CNTN5: variants seen among roughly 807,000 people sequenced by gnomAD.
CNTN5 encodes the protein contactin 5, also known as contactin-5.
A neutral mutation model predicts 129.1 loss-of-function variants in CNTN5; 77 were observed. That is an observed-to-expected ratio of 0.60 (90% CI 0.50 to 0.72). CNTN5 has a LOEUF of 0.72. Ranked by LOEUF, CNTN5 falls within the 30% of genes least tolerant of loss-of-function variation. CNTN5 has a pLI of 0.00. For missense variants in CNTN5, 1,478 were observed against 1,328.8 expected, an observed-to-expected ratio of 1.11 and a Z score of -1.75; for synonymous variants, 509 against 465.6, an observed-to-expected ratio of 1.09 and a Z score of -1.20.
intron 2 of CNTN5, among the ~76,000 whole-genome samples, chr11:99,424,211 A>G (rs930479450): frequency 6.6e-6 from 1 of 152,240 alleles, no homozygotes; most frequent in Non-Finnish European, 1.5e-5. Flanking sequence ...GCCATTATTA[A>G]GTATAATAAG....
At chr11:100,298,183 G>C (rs1951136150) in intron 19 of CNTN5, among the ~76,000 whole-genome samples, 2 of 151,532 alleles carry the variant, frequency 1.3e-5, no homozygotes. Context: ...GGAAATGCCT[G>C]TTAGAGTAAA....
intron 6 of CNTN5, among the ~76,000 whole-genome samples, chr11:99,878,720 G>A (rs1434664797): frequency 1.3e-5 from 2 of 152,052 alleles, no homozygotes; most frequent in Admixed American, 1.3e-4. Context: ...GCCGGGCGTG[G>A]TGGCGCGTGC....
chr11:99,385,007 A>G (rs1183764520), intron 2 of CNTN5, among the ~76,000 whole-genome samples: 3 of 152,168 alleles, frequency 2.0e-5, no homozygotes, highest in South Asian at 4.1e-4. Context: ...TTCAATTCTC[A>G]AAGTGTTTAC....
At chr11:99,446,301 T>A (rs1013146481) in intron 2 of CNTN5, among the ~76,000 whole-genome samples, 6 of 152,170 alleles carry the variant, frequency 3.9e-5, no homozygotes, top group African/African-American at 1.4e-4. Flanking sequence ...CATTTTATCT[T>A]AAGATCTCAA....
chr11:99,083,749 G>A (rs1368943418), intron 1 of CNTN5, among the ~76,000 whole-genome samples: 2 of 152,074 alleles, frequency 1.3e-5, no homozygotes, highest in East Asian at 1.9e-4. Flanking sequence ...AAAATTAGAG[G>A]AGGTGAATGA....
chr11:99,830,869 A>G (rs1214164641), intron 4 of CNTN5, among the ~76,000 whole-genome samples: 1 of 152,174 alleles, frequency 6.6e-6, no homozygotes, highest in Non-Finnish European at 1.5e-5. Context: ...ACAGCAGTGC[A>G]AGGTTACTGG....
rs60631846 is a variant in CNTN5, at chr11:99,437,582, C to T, written c.-71+112098C>T. On this transcript the variant is annotated intron_variant, in intron 2 of 24. Transcript: ENST00000524871. Reference sequence around the variant, plus strand: ...GCGGCTCATGCCTGTAATCCCAGCACTTTGGGAGGCTGAGGCGGGTGGATC... The same window carrying T: ...GCGGCTCATGCCTGTAATCCCAGCATTTTGGGAGGCTGAGGCGGGTGGATC... 3.4e-3 allele frequency among the ~76,000 whole-genome samples: 524 copies of T among 152,204 alleles called. 3 individuals are homozygous for T. The highest frequency in any genetic ancestry group is 0.012 in the African/African-American group (490 of 41,552).
At position 100,356,386 on chromosome 11, in the gene CNTN5, A is replaced by G; in HGVS notation, c.*166A>G. ...GTTAGGGGGGAAATATTACTTATCC[A>G]TCAGGTTTCTCTTTGGTTTTTGTAA... On this transcript the variant is annotated 3_prime_UTR_variant, in exon 25 of 25. Coordinates refer to ENST00000524871, the MANE Select transcript of CNTN5 (RefSeq NM_014361.4). 4 of 601,340 alleles carry G rather than the reference A, an allele frequency of 6.7e-6. No individual in the cohort carries two copies. The Middle Eastern group carries it at 8.5e-4, about 127-fold the overall frequency. The allele number at this position is 601,340 out of a possible 1,614,324, so 37.3% of individuals were successfully genotyped here.
At chr11:99,308,936 G>A (rs2135963582) in intron 1 of CNTN5, among the ~76,000 whole-genome samples, 1 of 152,094 alleles carries the variant, frequency 6.6e-6, no homozygotes, top group South Asian at 2.1e-4. Context: ...CCCATCCAAT[G>A]ACTTACTAAT....
chr11:99,465,507 A>G (rs1027829557), intron 2 of CNTN5, among the ~76,000 whole-genome samples: 1 of 151,980 alleles, frequency 6.6e-6, no homozygotes, highest in Non-Finnish European at 1.5e-5. Flanking sequence ...CATTTCTAGA[A>G]TTTAGACAAT....
chr11:99,513,816 G>A (rs376199375), intron 2 of CNTN5, among the ~76,000 whole-genome samples: 1 of 152,074 alleles, frequency 6.6e-6, no homozygotes, highest in Admixed American at 6.6e-5. Flanking sequence ...AGATGTACAA[G>A]GAGAGTAATG....
chr11:99,189,651 A>T (rs913469488), intron 1 of CNTN5, among the ~76,000 whole-genome samples: 2 of 151,616 alleles, frequency 1.3e-5, no homozygotes, highest in Admixed American at 1.3e-4. Flanking sequence ...TATGATGATT[A>T]GTTATTAGTT....
At chr11:99,563,340 C>T (rs990745904) in intron 3 of CNTN5, among the ~76,000 whole-genome samples, 8 of 152,068 alleles carry the variant, frequency 5.3e-5, no homozygotes, top group East Asian at 1.9e-4. Context: ...TGTTTTCTGA[C>T]AATGTAAACC....
chr11:99,041,894 A>C (rs1004483984), intron 1 of CNTN5, among the ~76,000 whole-genome samples: 71 of 152,212 alleles, frequency 4.7e-4, no homozygotes, highest in African/African-American at 1.7e-3. Flanking sequence ...TTTCATAGAA[A>C]CAATACAAAA....
chr11:99,150,028 A>C (rs1157527993), intron 1 of CNTN5, among the ~76,000 whole-genome samples: 1 of 152,062 alleles, frequency 6.6e-6, no homozygotes, highest in African/African-American at 2.4e-5. Flanking sequence ...TTAATGAACA[A>C]ATAAAAAAAA....
chr11:99,242,476 C>A lies in CNTN5; in HGVS notation c.-209-82870C>A, dbSNP rs532480282. On this transcript the variant is annotated intron_variant, in intron 1 of 24. Coordinates refer to ENST00000524871, the MANE Select transcript of CNTN5 (RefSeq NM_014361.4). ...AGAATGTAAGCTCCATTAGGGCAAA[C>A]TTTTTTTTTCTTTCAACTTTTATTT... Among the ~76,000 whole-genome samples, 28 of 151,664 alleles carry A rather than the reference C, an allele frequency of 1.8e-4. No individual in the cohort carries two copies. In the South Asian group the frequency reaches 5.0e-3, roughly 27 times the overall value.
At chr11:99,036,515 C>A (rs912671505) in intron 1 of CNTN5, among the ~76,000 whole-genome samples, 2 of 152,004 alleles carry the variant, frequency 1.3e-5, no homozygotes, top group Non-Finnish European at 2.9e-5. Flanking sequence ...AATTATCTAT[C>A]AATTTATTTC....
chr11:99,695,330 A>G (rs1954222657), intron 3 of CNTN5, among the ~76,000 whole-genome samples: 1 of 151,994 alleles, frequency 6.6e-6, no homozygotes, highest in Non-Finnish European at 1.5e-5. Flanking sequence ...CAAGCAGGGT[A>G]GCATTGATGA....
chr11:99,597,195 T>C (rs1250329169), intron 3 of CNTN5, among the ~76,000 whole-genome samples: 2 of 152,168 alleles, frequency 1.3e-5, no homozygotes, highest in Non-Finnish European at 2.9e-5. Context: ...TAATTGAATA[T>C]TTAGCATCAG....
Sources: allele counts gnomAD v4.1 joint callset (sites outside exome capture counted in the v4.1 genomes callset), GRCh38; gene constraint gnomAD v4.1.1; transcripts MANE v1.5; gene names NCBI Gene and HGNC (gene_info 2026-07-23, HGNC 2026-07-21).